The following THEMIS variants were observed in gnomAD, a reference collection of about 807,000 sequenced individuals.
The protein encoded by THEMIS is thymocyte selection associated, also known as protein THEMIS.
Under a neutral mutation model 52.6 loss-of-function variants are expected in THEMIS, and 37 were observed. The observed-to-expected ratio is 0.70, with a 90% confidence interval of 0.54 to 0.93. The LOEUF (loss-of-function observed/expected upper bound fraction) is 0.93, where lower values mean the gene tolerates loss of function less well. Ranked by LOEUF, THEMIS falls within the 40% of genes least tolerant of loss-of-function variation. The pLI is 0.00. For synonymous variants in THEMIS, 292 were observed against 272.7 expected (o/e 1.07, Z -0.70); for missense variants, 808 against 763.1 (o/e 1.06, Z -0.69).
chr6:127,851,038 T>A (rs1052581500), intron 2 of THEMIS, among the ~76,000 whole-genome samples: 1 of 151,642 alleles, frequency 6.6e-6, no homozygotes, highest in Middle Eastern at 3.4e-3. Context: ...GAGAATAATA[T>A]CTTACCAAAT....
chr6:127,761,022 G>T (rs1047247486), intron 4 of THEMIS, among the ~76,000 whole-genome samples: 1 of 151,990 alleles, frequency 6.6e-6, no homozygotes, highest in African/African-American at 2.4e-5. Flanking sequence ...CTATAGAATG[G>T]GAGAAAATGT....
intron 2 of THEMIS, among the ~76,000 whole-genome samples, chr6:127,851,002 T>C (rs529798611): frequency 3.3e-5 from 5 of 151,704 alleles, no homozygotes; most frequent in Admixed American, 2.6e-4. Context: ...AAGAAAATCG[T>C]GTCTACATAA....
At chr6:127,790,094 T>A (rs528359552) in intron 4 of THEMIS, among the ~76,000 whole-genome samples, 4 of 152,358 alleles carry the variant, frequency 2.6e-5, no homozygotes, top group African/African-American at 9.6e-5. Flanking sequence ...ATTGTCTCTG[T>A]TTGCAGATGA....
chr6:127,824,881 C>T (rs1428930756), intron 3 of THEMIS, among the ~76,000 whole-genome samples: 1 of 152,040 alleles, frequency 6.6e-6, no homozygotes, highest in Non-Finnish European at 1.5e-5. Context: ...GCGGAGATTG[C>T]GCCACTGCAC....
intron 4 of THEMIS, among the ~76,000 whole-genome samples, chr6:127,794,466 C>T (rs138027242): frequency 4.4e-4 from 67 of 152,254 alleles, no homozygotes; most frequent in African/African-American, 1.5e-3. Flanking sequence ...CAGTTTCAGT[C>T]GCAATATTTC....
intron 4 of THEMIS, among the ~76,000 whole-genome samples, chr6:127,740,700 G>T (rs1490995130): frequency 6.6e-6 from 1 of 152,114 alleles, no homozygotes; most frequent in Non-Finnish European, 1.5e-5. Context: ...GAGAAGAAGA[G>T]AATTTATATA....
At chr6:127,878,320 T>G (rs1044430033) in intron 1 of THEMIS, among the ~76,000 whole-genome samples, 4 of 152,202 alleles carry the variant, frequency 2.6e-5, no homozygotes, top group African/African-American at 9.7e-5. Flanking sequence ...AGCTGAATCC[T>G]GCTGCTGAAA....
intron 4 of THEMIS, among the ~76,000 whole-genome samples, chr6:127,771,663 T>C (rs1179602118): frequency 6.6e-6 from 1 of 152,092 alleles, no homozygotes; most frequent in Non-Finnish European, 1.5e-5. Context: ...CTATAGAAAA[T>C]ACCAATGTCA....
chr6:127,756,085 C>T (rs1429050886), intron 4 of THEMIS, among the ~76,000 whole-genome samples: 2 of 151,380 alleles, frequency 1.3e-5, no homozygotes, highest in Admixed American at 1.3e-4. Context: ...ACCAAAAAAC[C>T]CAGAAATTTT....
At chr6:127,784,486 T>C (rs1183698254) in intron 4 of THEMIS, among the ~76,000 whole-genome samples, 1 of 152,118 alleles carries the variant, frequency 6.6e-6, no homozygotes, top group Admixed American at 6.6e-5. Flanking sequence ...TACATACCTA[T>C]CTCCAGAACA....
At chr6:127,893,209 C>A (rs1453158749) in intron 1 of THEMIS, among the ~76,000 whole-genome samples, 1 of 151,452 alleles carries the variant, frequency 6.6e-6, no homozygotes, top group African/African-American at 2.4e-5. Flanking sequence ...TACTATTTTT[C>A]TTCATATTCA....
intron 4 of THEMIS, among the ~76,000 whole-genome samples, chr6:127,729,387 C>A (rs992314411): frequency 5.9e-5 from 9 of 152,150 alleles, no homozygotes; most frequent in South Asian, 2.1e-4. Context: ...ATATTTCAAG[C>A]CTTTTTCTCT....
At chr6:127,847,474 C>T (rs1198268651) in intron 2 of THEMIS, among the ~76,000 whole-genome samples, 3 of 151,932 alleles carry the variant, frequency 2.0e-5, no homozygotes, top group Admixed American at 6.6e-5. Context: ...ATCAGTAGCA[C>T]TGCTTTAAAT....
At chr6:127,902,324 C>CAAAAAAA (rs35320887), upstream of THEMIS, among the ~76,000 whole-genome samples, 4 of 109,756 alleles carry the variant, frequency 3.6e-5, no homozygotes, top group African/African-American at 6.6e-5. Flanking sequence ...GACTCTGTCT[C>CAAAAAAA]AAAAAAAAAA....
At chr6:127,758,559 T>C (rs1775913131) in intron 4 of THEMIS, among the ~76,000 whole-genome samples, 1 of 150,962 alleles carries the variant, frequency 6.6e-6, no homozygotes, top group African/African-American at 2.4e-5. Context: ...AAGGCAGAAA[T>C]GTCAAATTCC....
intron 4 of THEMIS, among the ~76,000 whole-genome samples, chr6:127,785,010 C>CTAT (rs762223680): frequency 2.3e-5 from 3 of 132,304 alleles, no homozygotes; most frequent in African/African-American, 5.7e-5. Flanking sequence ...TATCTATTAT[C>CTAT]TATCTATCTA....
rs531184248 is a variant in THEMIS at position 127,771,859 on chromosome 6, A to G, written c.1758+41024T>C. 5.3e-5 allele frequency among the ~76,000 whole-genome samples: 8 copies of G among 152,200 alleles called. 1 individual carries two copies. In the East Asian group the frequency reaches 1.5e-3, roughly 29 times the overall value. ...ACTATATCTTCCTCTTCCTTCCCCA[A>G]GGGTTACTGCAATCAGTATGGCACA... On this transcript the variant is annotated intron_variant, in intron 4 of 5. Transcript: ENST00000368248.
At chr6:127,838,887 C>T (rs990213788) in intron 2 of THEMIS, among the ~76,000 whole-genome samples, 6 of 152,066 alleles carry the variant, frequency 3.9e-5, no homozygotes, top group Non-Finnish European at 5.9e-5. Flanking sequence ...ATTGCTGTGA[C>T]GCTTCTATAA....
chr6:127,800,864 C>T (rs1453371932), intron 4 of THEMIS, among the ~76,000 whole-genome samples: 2 of 152,166 alleles, frequency 1.3e-5, no homozygotes, highest in Admixed American at 6.5e-5. Flanking sequence ...TGAAGATGGC[C>T]TATTGTGGGA....
Sources: allele counts gnomAD v4.1 joint callset (sites outside exome capture counted in the v4.1 genomes callset), GRCh38; gene constraint gnomAD v4.1.1; transcripts MANE v1.5; gene names NCBI Gene and HGNC (gene_info 2026-07-23, HGNC 2026-07-21).